Variants in CACNA1D observed in about 807,000 individuals in gnomAD.
CACNA1D encodes the protein voltage-dependent L-type calcium channel subunit alpha-1D.
Under a neutral mutation model 257.1 loss-of-function variants are expected in CACNA1D, and 55 were observed. The ratio of observed to expected loss-of-function variants is 0.21; its 90% CI spans 0.17 to 0.27. The LOEUF (loss-of-function observed/expected upper bound fraction) is 0.27. Among genes scored for constraint, CACNA1D ranks in the 10% least tolerant of loss-of-function variants. The pLI is 1.00. For synonymous variants in CACNA1D, 980 were observed against 1,014.9 expected (o/e 0.97, Z 0.65); for missense variants, 1,876 against 2,784.0 (o/e 0.67, Z 7.34).
intron 3 of CACNA1D, among the ~76,000 whole-genome samples, chr3:53,530,083 G>A (rs2091898331): frequency 6.6e-6 from 1 of 152,130 alleles, no homozygotes; most frequent in Non-Finnish European, 1.5e-5. Context: ...GCTGTAGTTT[G>A]TTCTTGCAAG....
intron 8 of CACNA1D, among the ~76,000 whole-genome samples, chr3:53,694,553 G>A (rs1190855100): frequency 1.3e-5 from 2 of 152,198 alleles, no homozygotes; most frequent in Admixed American, 6.5e-5. Flanking sequence ...ATGTGGGCCA[G>A]CAACAATGCC....
chr3:53,537,939 C>T (rs141656234), intron 3 of CACNA1D, among the ~76,000 whole-genome samples: 7 of 152,216 alleles, frequency 4.6e-5, no homozygotes, highest in African/African-American at 1.7e-4. Flanking sequence ...GGCTACTTCA[C>T]TGGTGACATT....
chr3:53,807,615 G>A (rs957958230), intron 45 of CACNA1D: 1 of 152,292 alleles, frequency 6.6e-6, no homozygotes, highest in Non-Finnish European at 1.5e-5. Context: ...GTAAACGATA[G>A]GTGTGCTCTC....
At chr3:53,731,767 A>T (rs1219542859) in intron 17 of CACNA1D, among the ~76,000 whole-genome samples, 1 of 152,214 alleles carries the variant, frequency 6.6e-6, no homozygotes, top group Non-Finnish European at 1.5e-5. Flanking sequence ...CAGGGCAAGG[A>T]CAGAGCCCTG....
intron 3 of CACNA1D, among the ~76,000 whole-genome samples, chr3:53,555,247 G>A (rs2107605552): frequency 6.6e-6 from 1 of 152,170 alleles, no homozygotes; most frequent in East Asian, 1.9e-4. Flanking sequence ...GGGATTTCCA[G>A]CTATGTTTTT....
At chr3:53,668,749 C>T (rs940313527) in intron 7 of CACNA1D, among the ~76,000 whole-genome samples, 1 of 152,160 alleles carries the variant, frequency 6.6e-6, no homozygotes, top group Non-Finnish European at 1.5e-5. Context: ...AACTGTTCAG[C>T]CCTTCCACTA....
chr3:53,694,644 CCAGGGGG>C (rs1484188792), intron 8 of CACNA1D, among the ~76,000 whole-genome samples: 2 of 152,100 alleles, frequency 1.3e-5, no homozygotes, highest in African/African-American at 4.8e-5. Context: ...TGTGAGCAGC[CCAGGGGG>C]CAGTGAATGT....
chr3:53,559,884 G>A (rs993002092), intron 3 of CACNA1D, among the ~76,000 whole-genome samples: 3 of 151,750 alleles, frequency 2.0e-5, no homozygotes, highest in Non-Finnish European at 4.4e-5. Flanking sequence ...ATGGAAATTC[G>A]CCCCTTATTC....
At position 53,673,308 on chromosome 3, in the gene CACNA1D, C is replaced by T. The variant is rs2094343606; in HGVS notation, c.1220+182C>T. On this transcript the variant is annotated intron_variant, in intron 8 of 47. Transcript: ENST00000350061. The surrounding 1 kb of genome is among the most constrained non-coding windows in gnomAD (Gnocchi z 4.1). ...TGTTTCCTGGAACCTCACCAGGCTT[C>T]ATGAAGGAGAACTATAGAACGATTA... Among the ~76,000 whole-genome samples, 1 of 152,176 alleles carries T rather than the reference C, an allele frequency of 6.6e-6. No individual in the cohort carries two copies. The highest frequency in any genetic ancestry group is 1.5e-5 in the Non-Finnish European group (1 of 68,036).
intron 30 of CACNA1D, among the ~76,000 whole-genome samples, chr3:53,767,145 T>A (rs1414001737): frequency 6.6e-6 from 1 of 152,060 alleles, no homozygotes; most frequent in Non-Finnish European, 1.5e-5. Flanking sequence ...GTATGGCCGC[T>A]CGAGATCTAA....
rs2090270963 is a variant in CACNA1D, at chr3:53,494,643, G to GAGC, written c.-524_-523insAGC. Reference sequence around the variant, plus strand: ...GCGTGCGGCGCGGCGCGGCGGGCGCGGAGCGAGCGGGCGGGCGAGCGCCTC... The same window carrying GAGC: ...GCGTGCGGCGCGGCGCGGCGGGCGCGAGCGAGCGAGCGGGCGGGCGAGCGCCTC... On this transcript the variant is annotated 5_prime_UTR_variant, in exon 1 of 48. Transcript: ENST00000350061. The GAGC allele has an allele frequency of 6.9e-6, 1 of 145,942 alleles. No individual in the cohort carries two copies. The highest frequency in any genetic ancestry group is 1.5e-5 in the Non-Finnish European group (1 of 65,552). 9.0% of individuals were successfully genotyped at this position (145,942 alleles called of 1,614,324 possible). A position where few individuals can be genotyped will look rare whatever the true frequency, so the allele number is the denominator to read the frequency against.
chr3:53,592,818 C>T (rs2093323423), intron 3 of CACNA1D, among the ~76,000 whole-genome samples: 1 of 152,114 alleles, frequency 6.6e-6, no homozygotes, highest in South Asian at 2.1e-4. Context: ...ATTCTCCTGC[C>T]TCAGCCTCCC....
chr3:53,740,881 C>A (rs2095110839), intron 21 of CACNA1D, among the ~76,000 whole-genome samples: 1 of 152,214 alleles, frequency 6.6e-6, no homozygotes. Flanking sequence ...GTTTCTCTGA[C>A]TGCATTATGC....
At chr3:53,627,735 G>C (rs746336911) in intron 3 of CACNA1D, among the ~76,000 whole-genome samples, 1 of 152,098 alleles carries the variant, frequency 6.6e-6, no homozygotes, top group Non-Finnish European at 1.5e-5. Context: ...TATTCAGGCC[G>C]GGTGTGGTGA....
At chr3:53,501,929 A>G (rs1418274701) in intron 3 of CACNA1D, among the ~76,000 whole-genome samples, 2 of 152,200 alleles carry the variant, frequency 1.3e-5, no homozygotes, top group African/African-American at 4.8e-5. Flanking sequence ...AAAGTCATGA[A>G]TCTTTTATAA....
At chr3:53,544,486 T>C (rs969177138) in intron 3 of CACNA1D, among the ~76,000 whole-genome samples, 1 of 151,720 alleles carries the variant, frequency 6.6e-6, no homozygotes, top group Admixed American at 6.6e-5. Context: ...GAAAGCTTCA[T>C]GCACTATGAA....
intron 14 of CACNA1D, among the ~76,000 whole-genome samples, chr3:53,724,925 T>A (rs1293683413): frequency 6.6e-6 from 1 of 152,226 alleles, no homozygotes; most frequent in African/African-American, 2.4e-5. Flanking sequence ...ATAGTATTGT[T>A]GTTTGAATTA....
intron 4 of CACNA1D, among the ~76,000 whole-genome samples, chr3:53,659,553 A>G (rs777553644): frequency 1.4e-4 from 21 of 152,268 alleles, no homozygotes; most frequent in Non-Finnish European, 1.0e-4. Context: ...AACAGACCAC[A>G]TGCACAAATG....
intron 4 of CACNA1D, among the ~76,000 whole-genome samples, chr3:53,652,031 G>A (rs1056661407): frequency 1.4e-4 from 22 of 152,078 alleles, no homozygotes; most frequent in African/African-American, 4.8e-4. Flanking sequence ...AACCGCCCCC[G>A]CCGCCAATAC....
Sources: gnomAD v4.1 joint callset for allele counts (sites outside exome capture counted in the v4.1 genomes callset) on GRCh38, gnomAD v4.1.1 for gene constraint, Gnocchi (gnomAD v3.1) non-coding constraint, MANE v1.5 for transcripts, NCBI Gene and HGNC (gene_info 2026-07-23, HGNC 2026-07-21) for gene names.